Variants in GLIS3 observed in about 807,000 individuals in gnomAD.
GLIS3 encodes the protein zinc finger protein GLIS3.
In GLIS3, 53 loss-of-function variants were observed where a neutral mutation model predicts 78.6. That is an observed-to-expected ratio of 0.67 (90% CI 0.54 to 0.85). The LOEUF is 0.85. Among genes scored for constraint, GLIS3 ranks in the 40% least tolerant of loss-of-function variants. The pLI is 0.00. For synonymous variants in GLIS3, 684 were observed against 509.9 expected (o/e 1.34, Z -4.60); for missense variants, 1,703 against 1,231.1 (o/e 1.38, Z -5.74).
chr9:4,155,654 C>G (rs1422978834), intron 2 of GLIS3, among the ~76,000 whole-genome samples: 1 of 152,172 alleles, frequency 6.6e-6, no homozygotes, highest in Non-Finnish European at 1.5e-5. Flanking sequence ...GGTACAGTGT[C>G]TACTTCTCCT....
chr9:4,188,283 T>A (rs1196537249), intron 2 of GLIS3, among the ~76,000 whole-genome samples: 2 of 151,256 alleles, frequency 1.3e-5, no homozygotes, highest in East Asian at 1.9e-4. Context: ...GGTTCGTTTA[T>A]ATGCTGGATT....
At chr9:4,409,977 A>G in the GLIS3 span, among the ~76,000 whole-genome samples, 2 of 152,038 alleles carry the variant, frequency 1.3e-5, no homozygotes, top group Non-Finnish European at 2.9e-5. Context: ...GGAGGTCTGT[A>G]TGGGTTTCTT....
At chr9:4,415,090 A>G in the GLIS3 span, among the ~76,000 whole-genome samples, 1 of 152,192 alleles carries the variant, frequency 6.6e-6, no homozygotes, top group African/African-American at 2.4e-5. Context: ...GACACTGGTT[A>G]AAATAAGCTT....
chr9:3,981,698 T>G (rs1819300880), intron 4 of GLIS3, among the ~76,000 whole-genome samples: 1 of 152,220 alleles, frequency 6.6e-6, no homozygotes, highest in South Asian at 2.1e-4. Flanking sequence ...TTCAAATTCC[T>G]TTAAAAACCT....
chr9:3,936,726 T>C (rs1467380992), intron 5 of GLIS3, among the ~76,000 whole-genome samples: 1 of 152,206 alleles, frequency 6.6e-6, no homozygotes, highest in Non-Finnish European at 1.5e-5. Context: ...CTGATCACTC[T>C]CTGTACTAAA....
chr9:4,078,132 A>G (rs1345239312), intron 4 of GLIS3, among the ~76,000 whole-genome samples: 1 of 152,210 alleles, frequency 6.6e-6, no homozygotes, highest in African/African-American at 2.4e-5. Context: ...CTCTGGCCTA[A>G]GAATTTGTAA....
chr9:3,942,368 C>T (rs1376207988), intron 4 of GLIS3, among the ~76,000 whole-genome samples: 2 of 152,108 alleles, frequency 1.3e-5, no homozygotes, highest in African/African-American at 2.4e-5. Flanking sequence ...AACTGACTGA[C>T]GAAGTATATG....
intron 8 of GLIS3, among the ~76,000 whole-genome samples, chr9:3,872,642 C>T (rs890689825): frequency 1.3e-5 from 2 of 152,104 alleles, no homozygotes; most frequent in Non-Finnish European, 2.9e-5. Flanking sequence ...GAAACCATCC[C>T]GATGATTCAA....
the GLIS3 span, among the ~76,000 whole-genome samples, chr9:4,439,446 TG>T: frequency 6.6e-6 from 1 of 152,208 alleles, no homozygotes; most frequent in East Asian, 1.9e-4. Flanking sequence ...CAGTACCTCC[TG>T]GCCACAGGCA....
At chr9:3,984,898 T>G (rs1819610524) in intron 4 of GLIS3, among the ~76,000 whole-genome samples, 2 of 152,152 alleles carry the variant, frequency 1.3e-5, no homozygotes, top group African/African-American at 4.8e-5. Context: ...AGTGGGAGTT[T>G]CTCTGTACAA....
At chr9:4,235,332 A>T (rs925323454) in intron 2 of GLIS3, among the ~76,000 whole-genome samples, 2 of 146,236 alleles carry the variant, frequency 1.4e-5, no homozygotes, top group Non-Finnish European at 3.0e-5. Context: ...GGGGGGAGTC[A>T]TTGAGTGGGT....
intron 4 of GLIS3, among the ~76,000 whole-genome samples, chr9:4,056,074 C>A (rs560118268): frequency 1.3e-5 from 2 of 152,160 alleles, no homozygotes; most frequent in Admixed American, 1.3e-4. Flanking sequence ...CTATGTCTGT[C>A]CCTATTGTAG....
intron 3 of GLIS3, among the ~76,000 whole-genome samples, chr9:4,125,358 G>A (rs12156608): frequency 2.6e-5 from 4 of 152,140 alleles, no homozygotes; most frequent in Non-Finnish European, 5.9e-5. Flanking sequence ...CATATTCATA[G>A]AAAACCTGGC....
Position 3,856,023 on chromosome 9 carries a change from C to T in GLIS3, c.2459G>A (p.Gly820Asp), listed in dbSNP as rs1335930082. The T allele has an allele frequency of 1.2e-6, 2 of 1,614,140 alleles. No individual in the cohort carries two copies. The highest frequency in any genetic ancestry group is 2.2e-5 in the East Asian group (1 of 44,882). Reference protein sequence around the residue: ...PETNSSFQPNGIHVHGFYGQL... With the variant: ...PETNSSFQPNDIHVHGFYGQL... ...TTCTTGCTTACCATGGACATGGATA[C>T]CATTTGGTTGAAAAGAAGAGTTTGT... The change falls in exon 9 of 11, where the codon GGT becomes GAT. Residue 820 changes from glycine to aspartate, a missense_variant. Gly to Asp is a moderately conservative substitution (Grantham distance 94). Transcript: ENST00000381971.
intron 2 of GLIS3, among the ~76,000 whole-genome samples, chr9:4,332,487 A>C (rs1817700601): frequency 6.6e-6 from 1 of 152,142 alleles, no homozygotes; most frequent in South Asian, 2.1e-4. Context: ...AAAACCACTT[A>C]CTTTTGTCTT....
intron 2 of GLIS3, among the ~76,000 whole-genome samples, chr9:4,194,023 A>G (rs976791340): frequency 6.6e-6 from 1 of 152,080 alleles, no homozygotes; most frequent in Non-Finnish European, 1.5e-5. Flanking sequence ...TGTTTATTAC[A>G]TTTTGGCCTT....
chr9:4,186,761 T>A (rs201833949), intron 2 of GLIS3, among the ~76,000 whole-genome samples: 5 of 152,260 alleles, frequency 3.3e-5, no homozygotes, highest in East Asian at 1.9e-4. Flanking sequence ...GATGATGAGC[T>A]TTTTTTCATG....
intron 4 of GLIS3, among the ~76,000 whole-genome samples, chr9:4,047,026 T>C (rs543991794): frequency 1.1e-4 from 16 of 152,244 alleles, no homozygotes; most frequent in South Asian, 8.3e-4. Context: ...GTTGGTGATA[T>C]TGTTTGGCTC....
At chr9:4,325,558 A>G (rs537066946) in intron 2 of GLIS3, among the ~76,000 whole-genome samples, 1 of 152,302 alleles carries the variant, frequency 6.6e-6, no homozygotes, top group East Asian at 1.9e-4. Context: ...CCTTTCCTGC[A>G]AAATATCCAC....
Sources: gnomAD v4.1 joint callset for allele counts (sites outside exome capture counted in the v4.1 genomes callset) on GRCh38, gnomAD v4.1.1 for gene constraint, MANE v1.5 for transcripts, NCBI Gene and HGNC (gene_info 2026-07-23, HGNC 2026-07-21) for gene names.